The following SLFN12L variants were observed in gnomAD, a reference collection of about 807,000 sequenced individuals.
SLFN12L encodes schlafen family member 12 like.
In SLFN12L, 34 loss-of-function variants were observed where a neutral mutation model predicts 34.8. That is an observed-to-expected ratio of 0.98 (90% CI 0.74 to 1.30). The LOEUF (loss-of-function observed/expected upper bound fraction) is 1.30, where lower values mean the gene tolerates loss of function less well. Ranked by LOEUF, SLFN12L falls within the 50% of genes most tolerant of loss-of-function variation. The pLI, the probability that SLFN12L is intolerant of heterozygous loss-of-function variation, is 0.00. For missense variants in SLFN12L, 703 were observed against 696.2 expected, an observed-to-expected ratio of 1.01 and a Z score of -0.11; for synonymous variants, 259 against 247.5, an observed-to-expected ratio of 1.05 and a Z score of -0.44.
intron 2 of SLFN12L, among the ~76,000 whole-genome samples, chr17:35,495,905 AC>A (rs1302805747): frequency 7.0e-5 from 1 of 14,280 alleles, no homozygotes; most frequent in Admixed American, 6.8e-4. Context: ...TTTGAAACAC[AC>A]ACACACACAC....
intron 1 of SLFN12L, among the ~76,000 whole-genome samples, chr17:35,532,565 C>T (rs1438977247): frequency 6.6e-6 from 1 of 152,088 alleles, no homozygotes; most frequent in African/African-American, 2.4e-5. Flanking sequence ...AAGTACCTGG[C>T]TCCGTTGGGA....
chr17:35,467,493 G>A lies in SLFN12L; in HGVS notation c.*7430C>T, dbSNP rs1018115375. ...CACATTGCAAAATACACACTGAATG[G>A]GCTCCCGAAACAAACAGGCATTCAA... is the stretch of plus-strand genomic sequence containing the variant. On this transcript the variant is annotated 3_prime_UTR_variant, in exon 5 of 5. Coordinates refer to ENST00000628453, the MANE Select transcript of SLFN12L (RefSeq NM_001363830.2). Among the ~76,000 whole-genome samples the A allele has an allele frequency of 2.0e-5, 3 of 152,070 alleles. No homozygotes were observed. The highest frequency in any genetic ancestry group is 7.3e-5 in the African/African-American group (3 of 41,374).
chr17:35,480,231 T>C, intron 2 of SLFN12L, 36 bp from the exon 3 acceptor site: 2 of 1,464,938 alleles, frequency 1.4e-6, no homozygotes, highest in Non-Finnish European at 1.8e-6. Flanking sequence ...GAGTTAAGCC[T>C]GAGAGACAGC....
At chr17:35,498,486 G>C in intron 2 of SLFN12L, 4 of 1,204,028 alleles carry the variant, frequency 3.3e-6, no homozygotes, top group Non-Finnish European at 5.0e-6. Flanking sequence ...GCATAGCCAC[G>C]AAGTGATGCC....
chr17:35,498,585 C>T (rs1915181947), intron 2 of SLFN12L: 5 of 1,580,138 alleles, frequency 3.2e-6, no homozygotes, highest in Non-Finnish European at 4.4e-6. Flanking sequence ...CAGCCGCTTC[C>T]ATGGAATGTT....
intron 2 of SLFN12L, among the ~76,000 whole-genome samples, chr17:35,481,453 G>A (rs1405481018): frequency 6.6e-6 from 1 of 152,244 alleles, no homozygotes; most frequent in Non-Finnish European, 1.5e-5. Context: ...AGCAGAAATA[G>A]TGAAAGTACT....
chr17:35,502,336 G>T (rs1915321828), intron 2 of SLFN12L, among the ~76,000 whole-genome samples: 1 of 142,898 alleles, frequency 7.0e-6, no homozygotes, highest in Non-Finnish European at 1.5e-5. Flanking sequence ...CAACTGCTTT[G>T]CTAACAGAAG....
intron 2 of SLFN12L, among the ~76,000 whole-genome samples, chr17:35,509,703 C>T (rs1008402994): frequency 1.4e-5 from 2 of 145,730 alleles, no homozygotes; most frequent in Non-Finnish European, 3.0e-5. Flanking sequence ...AAAAGAGACT[C>T]TTTTTTTTTT....
In SLFN12L at chr17:35,537,136, C is replaced by T. The variant is rs148322871; in HGVS notation, c.-606+437G>A. On this transcript the variant is annotated intron_variant, in intron 1 of 4. Transcript: ENST00000628453. Reference sequence around the variant, plus strand: ...TCGAAGCTGCAGTGAGTTGTGATCGCACCACTGCACGACAGCCTGGGCGAA... The same window carrying T: ...TCGAAGCTGCAGTGAGTTGTGATCGTACCACTGCACGACAGCCTGGGCGAA... Among the ~76,000 whole-genome samples, 63 of 152,136 alleles carry T rather than the reference C, an allele frequency of 4.1e-4. 1 individual carries two copies. The East Asian group carries it at 9.7e-3, about 23-fold the overall frequency.
chr17:35,493,554 T>C (rs1914925920), intron 2 of SLFN12L, among the ~76,000 whole-genome samples: 1 of 152,198 alleles, frequency 6.6e-6, no homozygotes, highest in African/African-American at 2.4e-5. Flanking sequence ...AGTTCCTTCA[T>C]GCCTAAGATT....
chr17:35,496,305 G>A (rs1383046322), intron 2 of SLFN12L, among the ~76,000 whole-genome samples: 1 of 151,918 alleles, frequency 6.6e-6, no homozygotes, highest in African/African-American at 2.4e-5. Context: ...CCGTGATCGC[G>A]CCACTGCACT....
At chr17:35,518,721 G>T (rs989997808) in intron 2 of SLFN12L, among the ~76,000 whole-genome samples, 4 of 152,168 alleles carry the variant, frequency 2.6e-5, no homozygotes, top group African/African-American at 9.7e-5. Flanking sequence ...AGGATGTGGA[G>T]AAATAGGAAC....
chr17:35,490,304 A>C (rs1324177677), intron 2 of SLFN12L: 1 of 1,462,668 alleles, frequency 6.8e-7, no homozygotes, highest in East Asian at 2.3e-5. Flanking sequence ...AGCTGCACTA[A>C]GAAGTCCAGA....
At chr17:35,488,419 A>T (rs944961987) in intron 2 of SLFN12L, among the ~76,000 whole-genome samples, 1 of 152,240 alleles carries the variant, frequency 6.6e-6, no homozygotes. Flanking sequence ...CTTGCGGTGT[A>T]GGAAGTATCT....
intron 2 of SLFN12L, among the ~76,000 whole-genome samples, chr17:35,520,962 C>T (rs1044488060): frequency 6.6e-6 from 1 of 152,100 alleles, no homozygotes; most frequent in Non-Finnish European, 1.5e-5. Context: ...AGCTTCCCCC[C>T]AATCAGGATG....
chr17:35,490,144 G>A, intron 2 of SLFN12L: 1 of 1,606,328 alleles, frequency 6.2e-7, no homozygotes, highest in Non-Finnish European at 8.5e-7. Context: ...ACACCACGCC[G>A]CAGGGACCCT....
rs1196672096 is a variant in SLFN12L, at chr17:35,530,468, G to A, written c.-606+7105C>T. On this transcript the variant is annotated intron_variant, in intron 1 of 4. Transcript: ENST00000628453. ...AGAAAGAAAGAAAGAAAGAAAGAAA[G>A]AAAGAAAGAAAGAAAGAAAGAAAGA... Among the ~76,000 whole-genome samples the A allele has an allele frequency of 1.1e-4, 6 of 53,974 alleles. 1 individual carries two copies. The highest frequency in any genetic ancestry group is 2.6e-4 in the Non-Finnish European group (6 of 23,218). 35.4% of individuals were successfully genotyped at this position (53,974 alleles called of 152,430 possible).
chr17:35,518,113 C>T (rs1395185595), intron 2 of SLFN12L, among the ~76,000 whole-genome samples: 1 of 152,172 alleles, frequency 6.6e-6, no homozygotes, highest in Non-Finnish European at 1.5e-5. Context: ...AGGCAACCTA[C>T]AGAATGGGAG....
chr17:35,530,074 C>T (rs1047486900), intron 1 of SLFN12L, among the ~76,000 whole-genome samples: 8 of 149,542 alleles, frequency 5.3e-5, no homozygotes, highest in Non-Finnish European at 1.2e-4. Context: ...TCATCTGTCA[C>T]GTCTTTTGGT....
Sources: gnomAD v4.1 joint callset for allele counts (sites outside exome capture counted in the v4.1 genomes callset) on GRCh38, gnomAD v4.1.1 for gene constraint, MANE v1.5 for transcripts, NCBI Gene and HGNC (gene_info 2026-07-23, HGNC 2026-07-21) for gene names.